Variants in SRPK2 observed in about 807,000 individuals in gnomAD.
SRPK2 encodes the protein SRSF protein kinase 2.
SRPK2 carries 21 observed loss-of-function variants against 90.8 expected under a neutral mutation model. The observed-to-expected ratio is 0.23, with a 90% CI of 0.16 to 0.33. The LOEUF (loss-of-function observed/expected upper bound fraction) is 0.33, where lower values mean the gene tolerates loss of function less well. Among genes scored for constraint, SRPK2 ranks in the 10% least tolerant of loss-of-function variants. The pLI is 1.00. For missense variants in SRPK2, 620 were observed against 869.0 expected, an observed-to-expected ratio of 0.71 and a Z score of 3.60; for synonymous variants, 288 against 311.1, an observed-to-expected ratio of 0.93 and a Z score of 0.78.
intron 3 of SRPK2, among the ~76,000 whole-genome samples, chr7:105,169,723 G>A (rs1790558962): frequency 6.6e-6 from 1 of 152,170 alleles, no homozygotes. Context: ...ACCAAAAAGT[G>A]TTCTATGAAT....
intron 2 of SRPK2, among the ~76,000 whole-genome samples, chr7:105,315,954 T>C (rs994125821): frequency 6.6e-6 from 1 of 152,152 alleles, no homozygotes; most frequent in Non-Finnish European, 1.5e-5. Context: ...TGTTTAGTAT[T>C]ATGAAACTCC....
chr7:105,126,146 G>C, intron 15 of SRPK2, 102 bp downstream of exon 15: 1 of 1,029,948 alleles, frequency 9.7e-7, no homozygotes, highest in Non-Finnish European at 1.5e-6. Flanking sequence ...GTTGCGTTTC[G>C]AATTTAGGAG....
chr7:105,344,807 T>G (rs1816262096), intron 2 of SRPK2, among the ~76,000 whole-genome samples: 1 of 150,678 alleles, frequency 6.6e-6, no homozygotes, highest in Non-Finnish European at 1.5e-5. Flanking sequence ...TTCTTCTGAT[T>G]TAAAGCCATT....
At chr7:105,352,904 G>GA (rs57689971) in intron 2 of SRPK2, among the ~76,000 whole-genome samples, 1,454 of 136,784 alleles carry the variant, frequency 0.011, 18 homozygotes, top group East Asian at 0.059. Context: ...TATCTCAAAA[G>GA]AAAAAAAAAA....
chr7:105,255,507 A>G (rs1022021572), intron 2 of SRPK2, among the ~76,000 whole-genome samples: 1 of 152,224 alleles, frequency 6.6e-6, no homozygotes, highest in African/African-American at 2.4e-5. Context: ...GGCGGGGAAT[A>G]ATGAGGTGGC....
intron 2 of SRPK2, among the ~76,000 whole-genome samples, chr7:105,330,245 C>CAGA (rs1271213539): frequency 6.6e-6 from 1 of 151,550 alleles, no homozygotes; most frequent in Non-Finnish European, 1.5e-5. Context: ...GAGGCTGAGG[C>CAGA]AGAATGGCGT....
rs1488562687 is a variant in SRPK2, at chr7:105,249,094, CTGGAGAAAAGACA to C, written c.72-45322_72-45310del. ...TCTTGAGGCATATAAATGGAAGTGACTGGAGAAAAGACATGAAGAGCACATCCTGTTTCACACA... is the reference window on the plus strand; with the variant it reads ...TCTTGAGGCATATAAATGGAAGTGACTGAAGAGCACATCCTGTTTCACACA... On this transcript the variant is annotated intron_variant, in intron 2 of 15. Coordinates refer to ENST00000393651, the MANE Select transcript of SRPK2 (RefSeq NM_182692.3). Among the ~76,000 whole-genome samples the C allele has an allele frequency of 2.0e-5, 3 of 152,292 alleles. No individual in the cohort carries two copies. The East Asian group carries it at 5.8e-4, about 29-fold the overall frequency.
chr7:105,350,233 G>A (rs1014316570), intron 2 of SRPK2, among the ~76,000 whole-genome samples: 4 of 147,638 alleles, frequency 2.7e-5, no homozygotes, highest in Non-Finnish European at 4.5e-5. Flanking sequence ...CCTGTTTTAG[G>A]TAATTCTCCA....
At position 105,338,879 on chromosome 7, in the gene SRPK2, A is replaced by G. The variant is rs773097925; in HGVS notation, c.71+49769T>C. ...AAAAAGATAATACCACCTGAAAATA[A>G]TAAGTTTTGCTTCTTTCTAACCTGT... On this transcript the variant is annotated intron_variant, in intron 2 of 15. Coordinates refer to ENST00000393651, the MANE Select transcript of SRPK2 (RefSeq NM_182692.3). 3.7e-4 allele frequency among the ~76,000 whole-genome samples: 56 copies of G among 152,170 alleles called. 1 individual carries two copies. Among genetic ancestry groups the G allele is most frequent in the Non-Finnish European group, 6.5e-4 (44 of 68,044 alleles).
chr7:105,181,881 T>TTAA (rs1554441930), intron 3 of SRPK2, among the ~76,000 whole-genome samples: 1 of 84,862 alleles, frequency 1.2e-5, no homozygotes, highest in African/African-American at 3.7e-5. Flanking sequence ...AAGATAAAAG[T>TTAA]AAAAAAAAAA....
At chr7:105,200,249 A>G (rs925013484) in intron 3 of SRPK2, among the ~76,000 whole-genome samples, 1 of 152,134 alleles carries the variant, frequency 6.6e-6, no homozygotes, top group Non-Finnish European at 1.5e-5. Context: ...GCAGTGAAAC[A>G]GAGATCACAC....
intron 2 of SRPK2, among the ~76,000 whole-genome samples, chr7:105,314,077 G>A (rs1812036722): frequency 6.6e-6 from 1 of 152,000 alleles, no homozygotes; most frequent in Non-Finnish European, 1.5e-5. Flanking sequence ...GGGCGTGGTG[G>A]TTCACACACT....
At chr7:105,143,500 A>G in intron 9 of SRPK2, 170 bp from the exon 10 acceptor site, 1 of 842,904 alleles carries the variant, frequency 1.2e-6, no homozygotes, top group Non-Finnish European at 1.8e-6. Context: ...GATAAAATCA[A>G]AGGGAAAGCA....
chr7:105,280,855 G>T (rs1277859630), intron 2 of SRPK2, among the ~76,000 whole-genome samples: 1 of 145,300 alleles, frequency 6.9e-6, no homozygotes, highest in Non-Finnish European at 1.5e-5. Flanking sequence ...GCTGACGCAG[G>T]AGAATGGCGT....
At chr7:105,199,896 TAAAA>T (rs67036595) in intron 3 of SRPK2, among the ~76,000 whole-genome samples, 19 of 137,992 alleles carry the variant, frequency 1.4e-4, no homozygotes, top group Admixed American at 2.1e-4. Context: ...TTGTTTAATT[TAAAA>T]AAAAAAAAAA....
intron 2 of SRPK2, among the ~76,000 whole-genome samples, chr7:105,334,450 C>T (rs1356627720): frequency 3.3e-5 from 5 of 151,596 alleles, no homozygotes; most frequent in South Asian, 2.1e-4. Flanking sequence ...TCTCGAACTC[C>T]GACCTCATGA....
intron 3 of SRPK2, among the ~76,000 whole-genome samples, chr7:105,185,250 T>TA (rs1485915688): frequency 2.0e-5 from 3 of 150,852 alleles, no homozygotes; most frequent in Non-Finnish European, 3.0e-5. Context: ...AAGAAAAAAT[T>TA]AAAAAAAGAG....
intron 2 of SRPK2, among the ~76,000 whole-genome samples, chr7:105,345,386 A>G (rs1163278815): frequency 1.3e-5 from 2 of 152,204 alleles, no homozygotes; most frequent in Non-Finnish European, 1.5e-5. Context: ...TCTCCCGTAG[A>G]TTGAAAAACT....
chr7:105,358,925 C>T (rs1771696576), intron 2 of SRPK2, among the ~76,000 whole-genome samples: 1 of 150,196 alleles, frequency 6.7e-6, no homozygotes, highest in Non-Finnish European at 1.5e-5. Context: ...GTGCTAAGAA[C>T]ACAGAGAGAG....
Sources: gnomAD v4.1 joint callset for allele counts (sites outside exome capture counted in the v4.1 genomes callset) on GRCh38, gnomAD v4.1.1 for gene constraint, MANE v1.5 for transcripts, NCBI Gene and HGNC (gene_info 2026-07-23, HGNC 2026-07-21) for gene names.